Variants in STIL observed in about 807,000 individuals in gnomAD.
STIL encodes the protein STIL centriolar assembly protein.
Under a neutral mutation model 110.1 loss-of-function variants are expected in STIL, and 55 were observed. The ratio of observed to expected loss-of-function variants is 0.50; its 90% CI spans 0.40 to 0.63. The LOEUF is 0.63. Among genes scored for constraint, STIL ranks in the 20% least tolerant of loss-of-function variants. STIL has a pLI of 0.00. For synonymous variants in STIL, 481 were observed against 530.0 expected (o/e 0.91, Z 1.27); for missense variants, 1,358 against 1,530.0 (o/e 0.89, Z 1.87).
chr1:47,256,389 G>A (rs1644327238), intron 16 of STIL, among the ~76,000 whole-genome samples: 4 of 151,982 alleles, frequency 2.6e-5, no homozygotes, highest in Non-Finnish European at 5.9e-5. Flanking sequence ...TTGGGAGGCC[G>A]AGACTGGCAG....
In STIL at chr1:47,250,869, T is replaced by C. The variant is rs533678695; in HGVS notation, c.*267A>G. ...GCAGTTGAGACTTAGAGCTGGATAG[T>C]ATCTGTCTACTACTTAAACTTGTAG... is the stretch of plus-strand genomic sequence containing the variant. On this transcript the variant is annotated 3_prime_UTR_variant, in exon 17 of 17. Transcript: ENST00000371877. The C allele has an allele frequency of 1.4e-5, 6 of 417,566 alleles. No individual in the cohort carries two copies. The South Asian group carries it at 1.9e-4, about 13-fold the overall frequency. 25.9% of individuals were successfully genotyped at this position (417,566 alleles called of 1,614,324 possible).
intron 13 of STIL, among the ~76,000 whole-genome samples, chr1:47,270,142 G>C (rs917316576): frequency 1.3e-5 from 2 of 151,656 alleles, no homozygotes; most frequent in African/African-American, 4.8e-5. Context: ...AGGAGGCAGA[G>C]GTGTAAGATC....
intron 12 of STIL, 123 bp downstream of exon 12, chr1:47,280,118 C>T: frequency 7.4e-7 from 1 of 1,343,154 alleles, no homozygotes; most frequent in Non-Finnish European, 1.0e-6. Flanking sequence ...ATTCAGTTTC[C>T]AAGGTCCCTC....
chr1:47,284,889 C>CA (rs796580180), intron 10 of STIL, among the ~76,000 whole-genome samples: 11,666 of 137,036 alleles, frequency 0.085, 1,412 homozygotes, highest in African/African-American at 0.28. Context: ...GACCCTATCT[C>CA]AAAAAAAAAA....
At chr1:47,293,017 G>T (rs369977406) in intron 8 of STIL, among the ~76,000 whole-genome samples, 1 of 152,212 alleles carries the variant, frequency 6.6e-6, no homozygotes, top group East Asian at 1.9e-4. Context: ...CAATGTTTAG[G>T]CTTCAGTTTC....
Position 47,260,529 on chromosome 1 carries a change from T to C in STIL, c.2840A>G (p.Asn947Ser). Residue 947 changes from asparagine to serine, a missense_variant, in exon 16 of 17, where the codon AAC becomes AGC. Physicochemically the swap from Asn to Ser is conservative, Grantham distance 46. Transcript: ENST00000371877. ...CTTGGAGGAACTATTTAATAGGTGG[T>C]TTACTTGACCCTGACAAAAAGAAAA... ...KIYQDLLGQV[N>S]HLLNSSSKET... is the part of the protein sequence containing the mutation. The C allele has an allele frequency of 6.2e-7, 1 of 1,614,164 alleles. No individual in the cohort carries two copies. The highest frequency in any genetic ancestry group is 8.5e-7 in the Non-Finnish European group (1 of 1,180,024).
At chr1:47,306,742 T>C (rs996964747) in intron 2 of STIL, among the ~76,000 whole-genome samples, 2 of 152,240 alleles carry the variant, frequency 1.3e-5, no homozygotes. Flanking sequence ...AAATAATTCC[T>C]CAACAAAGAT....
intron 6 of STIL, among the ~76,000 whole-genome samples, chr1:47,298,080 T>C (rs987910579): frequency 6.6e-6 from 1 of 152,212 alleles, no homozygotes; most frequent in Non-Finnish European, 1.5e-5. Context: ...ATATACCAAT[T>C]TTTCCTTTGG....
chr1:47,313,110 A>G (rs1203108532), intron 1 of STIL: 2 of 152,162 alleles, frequency 1.3e-5, no homozygotes, highest in Admixed American at 1.3e-4. Flanking sequence ...GATCACCTGA[A>G]GTCAGGATTT....
chr1:47,313,867 A>G (rs578254157), intron 1 of STIL, among the ~76,000 whole-genome samples, 169 bp downstream of exon 1: 124 of 152,330 alleles, frequency 8.1e-4, no homozygotes, highest in African/African-American at 2.8e-3. Context: ...ATGATACCCA[A>G]GGATTTCATG....
At chr1:47,308,427 GAA>G (rs34671975) in intron 2 of STIL, among the ~76,000 whole-genome samples, 1 of 148,638 alleles carries the variant, frequency 6.7e-6, no homozygotes, top group South Asian at 2.1e-4. Context: ...AAAGAAAATG[GAA>G]AAAAAAAAGA....
chr1:47,280,990 T>C lies in STIL; in HGVS notation c.1468A>G (p.Asn490Asp). ...GCTGGTTTATCCTGGTTTAACTGAT[T>C]TGGTATTCCTCTCAAGGAAGGCTCT... ...AGEPSLRGIP[N>D]QLNQDKPALL... is the part of the protein sequence containing the mutation. Residue 490 changes from asparagine to aspartate, a missense_variant, in exon 12 of 17, where the codon AAT (asparagine) becomes GAT (aspartate). Transcript: ENST00000371877. 1.2e-6 allele frequency: 2 copies of C among 1,614,064 alleles called. No homozygotes were observed. Among genetic ancestry groups the C allele is most frequent in the Non-Finnish European group, 1.7e-6 (2 of 1,180,006 alleles).
chr1:47,297,664 T>C (rs1053475235), intron 6 of STIL, among the ~76,000 whole-genome samples: 1 of 152,208 alleles, frequency 6.6e-6, no homozygotes, highest in African/African-American at 2.4e-5. Flanking sequence ...TGTAGCTTAC[T>C]GCAGCCTTGA....
intron 13 of STIL, among the ~76,000 whole-genome samples, chr1:47,270,287 CACACACAA>C (rs1298221963): frequency 1.3e-5 from 2 of 150,220 alleles, no homozygotes; most frequent in Non-Finnish European, 2.9e-5. Context: ...CACACACACA[CACACACAA>C]TTACTTAGAA....
At chr1:47,257,517 A>G (rs1440351398) in intron 16 of STIL, among the ~76,000 whole-genome samples, 1 of 152,244 alleles carries the variant, frequency 6.6e-6, no homozygotes, top group Non-Finnish European at 1.5e-5. Flanking sequence ...TAAAAACTAA[A>G]AAAAAGTTTT....
chr1:47,274,615 C>T (rs1262868563), intron 12 of STIL, among the ~76,000 whole-genome samples: 7 of 148,818 alleles, frequency 4.7e-5, no homozygotes, highest in African/African-American at 9.9e-5. Flanking sequence ...CCACACCCAG[C>T]CTCTTTCTCA....
rs1645810954 is a variant in STIL at position 47,301,743 on chromosome 1, C to T, written c.271G>A (p.Glu91Lys). The change falls in exon 5 of 17, where the codon GAA (glutamate) becomes AAA (lysine). Residue 91 changes from glutamate to lysine, a missense_variant. Transcript: ENST00000371877. ...LGSLTADEDE[E>K]GVTLTVDRFD... ...CGATCTACTGTCAATGTTACACCTT[C>T]TTCATCTGTAGAACAAAAATAACAG... 9.3e-6 allele frequency: 15 copies of T among 1,613,792 alleles called. No homozygotes were observed. Among genetic ancestry groups the T allele is most frequent in the Non-Finnish European group, 1.1e-5 (13 of 1,179,952 alleles).
In STIL at chr1:47,280,579, C is replaced by A; in HGVS notation, c.1879G>T (p.Gly627Ter). 6.2e-7 allele frequency: 1 copy of A among 1,614,196 alleles called. No individual in the cohort carries two copies. The highest frequency in any genetic ancestry group is 8.5e-7 in the Non-Finnish European group (1 of 1,180,048). The change falls in exon 12 of 17, where the codon GGA becomes TGA. Residue 627 changes from glycine (G) to a stop codon, truncating the protein, a stop_gained. Coordinates refer to ENST00000371877, the MANE Select transcript of STIL (RefSeq NM_001048166.1). LOFTEE classifies it high-confidence loss of function. ...LNSWQGANTV[G>*]SIQDVQSEAL... is the part of the protein sequence containing the mutation. Reference sequence around the variant, plus strand: ...TCAGACTGGACATCTTGAATGGATCCAACTGTGTTTGCTCCTTGCCAAGAA... The same window carrying A: ...TCAGACTGGACATCTTGAATGGATCAAACTGTGTTTGCTCCTTGCCAAGAA...
intron 10 of STIL, among the ~76,000 whole-genome samples, chr1:47,286,517 G>T (rs1391445224): frequency 6.6e-6 from 1 of 151,482 alleles, no homozygotes; most frequent in South Asian, 2.1e-4. Context: ...GACCATCCTG[G>T]CTAACATAGT....
Sources: allele counts gnomAD v4.1 joint callset (sites outside exome capture counted in the v4.1 genomes callset), GRCh38; gene constraint gnomAD v4.1.1; transcripts MANE v1.5; gene names NCBI Gene and HGNC (gene_info 2026-07-23, HGNC 2026-07-21).